Variants in CNTNAP3B observed in about 807,000 individuals in gnomAD.
CNTNAP3B encodes the protein contactin associated protein family member 3B, also known as contactin-associated protein-like 3B.
CNTNAP3B carries 25 observed loss-of-function variants against 108.9 expected under a neutral mutation model. The observed-to-expected ratio is 0.23, with a 90% confidence interval of 0.17 to 0.32. The LOEUF (loss-of-function observed/expected upper bound fraction) is 0.32, where lower values mean the gene tolerates loss of function less well. Among genes scored for constraint, CNTNAP3B ranks in the 10% least tolerant of loss-of-function variants. The pLI is 1.00. For missense variants in CNTNAP3B, 252 were observed against 1,210.4 expected, an observed-to-expected ratio of 0.21 and a Z score of 11.75; for synonymous variants, 103 against 473.4, an observed-to-expected ratio of 0.22 and a Z score of 10.16.
rs1240048584 is a variant in CNTNAP3B at position 41,934,184 on chromosome 9, C to CATAT, written c.2237+4059_2237+4060insATAT. Among the ~76,000 whole-genome samples the CATAT allele has an allele frequency of 2.7e-3, 227 of 83,066 alleles. 2 individuals carry two copies. The highest frequency in any genetic ancestry group is 9.5e-3 in the African/African-American group (208 of 22,010). The allele number at this position is 83,066 out of a possible 152,430, so 54.5% of individuals were successfully genotyped here. A position where few individuals can be genotyped will look rare whatever the true frequency, so the allele number is the denominator to read the frequency against. Reference sequence around the variant, plus strand: ...ACACACACACATATATATACACACACACACATATATATATACATACACACA... The same window carrying CATAT: ...ACACACACACATATATATACACACACATATACACATATATATATACATACACACA... On this transcript the variant is annotated intron_variant, in intron 14 of 23. Coordinates refer to ENST00000377561, the MANE Select transcript of CNTNAP3B (RefSeq NM_001201380.3).
At chr9:41,983,167 T>C (rs950133512) in intron 9 of CNTNAP3B, 1 of 136,976 alleles carries the variant, frequency 7.3e-6, no homozygotes, top group Non-Finnish European at 1.6e-5. Flanking sequence ...ATAACAAACC[T>C]GCACATGTAT....
chr9:41,917,092 T>C (rs1163105473), intron 18 of CNTNAP3B, among the ~76,000 whole-genome samples: 1 of 152,302 alleles, frequency 6.6e-6, no homozygotes, highest in African/African-American at 2.4e-5. Context: ...TTTGGGGATG[T>C]TTTCAACCAT....
Position 41,933,209 on chromosome 9 carries a change from C to T in CNTNAP3B, c.2238-3765G>A, listed in dbSNP as rs1269984190. Among the ~76,000 whole-genome samples the T allele has an allele frequency of 9.8e-5, 15 of 152,322 alleles. No individual in the cohort carries two copies. In the East Asian group the frequency reaches 1.5e-3, roughly 16 times the overall value. On this transcript the variant is annotated intron_variant, in intron 14 of 23. Coordinates refer to ENST00000377561, the MANE Select transcript of CNTNAP3B (RefSeq NM_001201380.3). ...ACAGCAGCGTTACTGATATTTTGGG[C>T]TAATTTTTTTTTGTCATGGGGGGGG...
chr9:41,953,521 T>C lies in CNTNAP3B; in HGVS notation c.1877-135A>G. ...GCATGTTTGCCGCGATTTGAGGAGT[T>C]GGACCTGTGTAACAATGTACTGAGC... On this transcript the variant is annotated intron_variant, in intron 12 of 23. Coordinates refer to ENST00000377561, the MANE Select transcript of CNTNAP3B (RefSeq NM_001201380.3). 4.4e-6 allele frequency: 4 copies of C among 907,200 alleles called. No homozygotes were observed. The South Asian group carries it at 6.2e-5, about 14-fold the overall frequency. The allele number at this position is 907,200 out of a possible 1,614,324, so 56.2% of individuals were successfully genotyped here. A position where few individuals can be genotyped will look rare whatever the true frequency, so the allele number is the denominator to read the frequency against.
At position 42,016,497 on chromosome 9, in the gene CNTNAP3B, TTC is replaced by T. The variant is rs1333389426; in HGVS notation, c.391-2974_391-2973del. ...CGAGAGCTTGCAGAGCAGACATGAG[TTC>T]ATACGTAAGCACATGACCACTACGG... On this transcript the variant is annotated intron_variant, in intron 3 of 23. Coordinates refer to ENST00000377561, the MANE Select transcript of CNTNAP3B (RefSeq NM_001201380.3). Among the ~76,000 whole-genome samples the T allele has an allele frequency of 3.1e-5, 4 of 128,214 alleles. No individual in the cohort carries two copies. In the East Asian group the frequency reaches 9.4e-4, roughly 30 times the overall value. 84.1% of individuals were successfully genotyped at this position (128,214 alleles called of 152,430 possible).
chr9:41,959,718 T>A (rs1244390479), intron 12 of CNTNAP3B, among the ~76,000 whole-genome samples: 1 of 152,312 alleles, frequency 6.6e-6, no homozygotes, highest in Non-Finnish European at 1.5e-5. Context: ...TTTTACTATT[T>A]TTTGACAATC....
chr9:42,044,646 T>G (rs1274324028), intron 3 of CNTNAP3B, among the ~76,000 whole-genome samples: 1 of 145,906 alleles, frequency 6.9e-6, no homozygotes, highest in Non-Finnish European at 1.5e-5. Context: ...CCGAAGAAAT[T>G]CAGATCGGTG....
chr9:42,071,566 C>A (rs1827380097), intron 3 of CNTNAP3B, among the ~76,000 whole-genome samples: 1 of 139,104 alleles, frequency 7.2e-6, no homozygotes, highest in Non-Finnish European at 1.5e-5. Flanking sequence ...TGGCAATTTA[C>A]AGCAAGAATT....
At chr9:41,960,556 A>G (rs774614515) in intron 12 of CNTNAP3B, among the ~76,000 whole-genome samples, 374 of 151,928 alleles carry the variant, frequency 2.5e-3, no homozygotes, top group East Asian at 6.6e-3. Flanking sequence ...GGAGCTAGAG[A>G]GATGCCTTGG....
At chr9:41,942,241 C>T (rs1222023165) in intron 13 of CNTNAP3B, among the ~76,000 whole-genome samples, 4 of 152,208 alleles carry the variant, frequency 2.6e-5, no homozygotes, top group South Asian at 2.1e-4. Context: ...TTTGGGAGGC[C>T]GAGGCGGGCA....
In CNTNAP3B at chr9:41,956,551, A is replaced by T. The variant is rs566909831; in HGVS notation, c.1877-3165T>A. On this transcript the variant is annotated intron_variant, in intron 12 of 23. Coordinates refer to ENST00000377561, the MANE Select transcript of CNTNAP3B (RefSeq NM_001201380.3). ...TCATATGAAATCCCCAGCATCTGGT[A>T]TACCCATTCCTATATGTCCCAGAAG... Among the ~76,000 whole-genome samples the T allele has an allele frequency of 5.3e-5, 8 of 152,040 alleles. No homozygotes were observed. In the East Asian group the frequency reaches 1.5e-3, roughly 29 times the overall value.
chr9:41,964,729 G>A, intron 10 of CNTNAP3B, 85 bp from the exon 11 acceptor site: 1 of 1,529,734 alleles, frequency 6.5e-7, no homozygotes, highest in Non-Finnish European at 8.8e-7. Context: ...TAATGTGAAA[G>A]GCCAGCATAC....
At chr9:42,064,988 T>G (rs1455516220) in intron 3 of CNTNAP3B, among the ~76,000 whole-genome samples, 1 of 145,796 alleles carries the variant, frequency 6.9e-6, no homozygotes, top group Non-Finnish European at 1.5e-5. Context: ...ATGGGATTGC[T>G]AGGTTGAATG....
chr9:42,058,633 A>T, intron 3 of CNTNAP3B, among the ~76,000 whole-genome samples: 1 of 140,534 alleles, frequency 7.1e-6, no homozygotes, highest in African/African-American at 2.8e-5. Context: ...TATCAGATGT[A>T]TTGTTTGAAA....
At chr9:42,060,001 T>G (rs1827145870) in intron 3 of CNTNAP3B, among the ~76,000 whole-genome samples, 1 of 151,260 alleles carries the variant, frequency 6.6e-6, no homozygotes, top group South Asian at 2.1e-4. Flanking sequence ...TTTCTTCAAA[T>G]TTGGATTTTT....
intron 8 of CNTNAP3B, among the ~76,000 whole-genome samples, chr9:41,986,667 A>G (rs1825709878): frequency 6.6e-6 from 1 of 151,418 alleles, no homozygotes; most frequent in South Asian, 2.1e-4. Flanking sequence ...GCTTTACTGA[A>G]TCTAACAAAA....
intron 15 of CNTNAP3B, among the ~76,000 whole-genome samples, chr9:41,926,304 C>T (rs201431355): frequency 0.19 from 27,878 of 145,358 alleles, no homozygotes; most frequent in South Asian, 0.26. Flanking sequence ...CCTGCAGATC[C>T]CCTAGTCCCA....
At chr9:41,991,030 T>C (rs1444517771) in intron 8 of CNTNAP3B, among the ~76,000 whole-genome samples, 1 of 133,222 alleles carries the variant, frequency 7.5e-6, no homozygotes, top group East Asian at 2.3e-4. Flanking sequence ...AGCTGAGGCT[T>C]AGGAGGCTTC....
intron 14 of CNTNAP3B, among the ~76,000 whole-genome samples, chr9:41,934,211 A>G (rs1824081914): frequency 7.0e-6 from 1 of 142,662 alleles, no homozygotes; most frequent in South Asian, 2.2e-4. Flanking sequence ...ATACACACAC[A>G]CACATACTTT....
Sources: allele counts gnomAD v4.1 joint callset (sites outside exome capture counted in the v4.1 genomes callset), GRCh38; gene constraint gnomAD v4.1.1; transcripts MANE v1.5; gene names NCBI Gene and HGNC (gene_info 2026-07-23, HGNC 2026-07-21).